SCFD2: variants seen among roughly 807,000 people sequenced by gnomAD.
SCFD2 encodes the protein sec1 family domain containing 2, also known as sec1 family domain-containing protein 2.
Under a neutral mutation model 58.9 loss-of-function variants are expected in SCFD2, and 54 were observed. The ratio of observed to expected loss-of-function variants is 0.92; its 90% CI spans 0.74 to 1.15. The LOEUF (loss-of-function observed/expected upper bound fraction) is 1.15, where lower values mean the gene tolerates loss of function less well. Ranked by LOEUF, SCFD2 falls within the 50% of genes most tolerant of loss-of-function variation. SCFD2 has a pLI of 0.00. For synonymous variants in SCFD2, 321 were observed against 335.9 expected, an observed-to-expected ratio of 0.96 and a Z score of 0.49; for missense variants, 805 against 836.6, an observed-to-expected ratio of 0.96 and a Z score of 0.47.
chr4:53,209,164 G>T (rs925055484), intron 4 of SCFD2, among the ~76,000 whole-genome samples: 68 of 152,218 alleles, frequency 4.5e-4, no homozygotes, highest in African/African-American at 1.6e-3. Context: ...TCAACCCTGT[G>T]CTGACTTCCT....
intron 5 of SCFD2, among the ~76,000 whole-genome samples, chr4:53,005,105 C>T (rs143648878): frequency 4.5e-4 from 69 of 152,192 alleles, no homozygotes; most frequent in Middle Eastern, 3.4e-3. Flanking sequence ...ACTATGTTAG[C>T]CAGGCTGGTC....
intron 5 of SCFD2, among the ~76,000 whole-genome samples, chr4:53,124,037 G>C (rs1725556871): frequency 6.6e-6 from 1 of 152,158 alleles, no homozygotes; most frequent in Non-Finnish European, 1.5e-5. Context: ...CTCTAGTGAT[G>C]AGTCCATAGA....
chr4:52,947,537 T>C (rs547043636), intron 5 of SCFD2, among the ~76,000 whole-genome samples: 2 of 152,252 alleles, frequency 1.3e-5, no homozygotes, highest in African/African-American at 4.8e-5. Context: ...ATTATACATA[T>C]ATAGTAATTA....
At chr4:53,202,698 T>C (rs1728286899) in intron 4 of SCFD2, among the ~76,000 whole-genome samples, 1 of 152,168 alleles carries the variant, frequency 6.6e-6, no homozygotes, top group Non-Finnish European at 1.5e-5. Context: ...CTCTTTTATT[T>C]CATTGAGCAG....
rs953430963 is a variant in SCFD2 at position 52,873,767 on chromosome 4, A to G, written c.*202T>C. The G allele has an allele frequency of 6.6e-6, 3 of 457,964 alleles. No homozygotes were observed. Among genetic ancestry groups the G allele is most frequent in the African/African-American group, 5.9e-5 (3 of 50,506 alleles). The allele number at this position is 457,964 out of a possible 1,614,324, so 28.4% of individuals were successfully genotyped here. A position where few individuals can be genotyped will look rare whatever the true frequency, so the allele number is the denominator to read the frequency against. On this transcript the variant is annotated 3_prime_UTR_variant, in exon 9 of 9. Transcript: ENST00000401642. ...GACTGTCGCCTTCAGGAAAATAAAA[A>G]AACTTTTTTTTTTTTTTTTTAAGAA...
chr4:53,109,616 A>G (rs1363845561), intron 5 of SCFD2, among the ~76,000 whole-genome samples: 1 of 152,206 alleles, frequency 6.6e-6, no homozygotes, highest in Non-Finnish European at 1.5e-5. Flanking sequence ...ACTCCCATTC[A>G]CAATTGCTAC....
intron 4 of SCFD2, among the ~76,000 whole-genome samples, chr4:53,264,663 A>C (rs762474706): frequency 6.6e-6 from 1 of 152,262 alleles, no homozygotes; most frequent in Non-Finnish European, 1.5e-5. Context: ...AAGCCAAGCC[A>C]TATGGCGTGA....
intron 7 of SCFD2, among the ~76,000 whole-genome samples, chr4:52,894,530 T>C (rs778692804): frequency 6.6e-6 from 1 of 152,236 alleles, no homozygotes; most frequent in Non-Finnish European, 1.5e-5. Flanking sequence ...AGGTATGTCT[T>C]GATTTATTTG....
chr4:53,014,651 T>C (rs1244254822), intron 5 of SCFD2, among the ~76,000 whole-genome samples: 4 of 152,226 alleles, frequency 2.6e-5, no homozygotes, highest in Non-Finnish European at 5.9e-5. Flanking sequence ...CACATGATAT[T>C]AGGGCTCCTT....
At chr4:53,081,538 G>A (rs1724147019) in intron 5 of SCFD2, among the ~76,000 whole-genome samples, 1 of 152,084 alleles carries the variant, frequency 6.6e-6, no homozygotes, top group Non-Finnish European at 1.5e-5. Flanking sequence ...ATATTCTTAA[G>A]TACTTTTACC....
At chr4:53,357,291 T>C (rs144633200) in intron 1 of SCFD2, among the ~76,000 whole-genome samples, 7 of 151,900 alleles carry the variant, frequency 4.6e-5, no homozygotes, top group Non-Finnish European at 1.0e-4. Context: ...TAGCCAGGTA[T>C]AGAGGTATGT....
intron 5 of SCFD2, among the ~76,000 whole-genome samples, chr4:53,057,849 G>C (rs1723391863): frequency 6.6e-6 from 1 of 152,084 alleles, no homozygotes; most frequent in Non-Finnish European, 1.5e-5. Flanking sequence ...TGCTGTGTTA[G>C]CAGCCAAAAT....
intron 5 of SCFD2, among the ~76,000 whole-genome samples, chr4:53,126,152 G>A (rs1725621083): frequency 6.6e-6 from 1 of 152,160 alleles, no homozygotes; most frequent in African/African-American, 2.4e-5. Flanking sequence ...TTAAAAGTAA[G>A]CTCCATGGCA....
chr4:52,875,502 C>T (rs1021428964), intron 8 of SCFD2, among the ~76,000 whole-genome samples: 1 of 151,962 alleles, frequency 6.6e-6, no homozygotes, highest in East Asian at 1.9e-4. Context: ...TACATGGCTA[C>T]GCTCCTTTGG....
At chr4:53,007,469 T>C (rs17082264) in intron 5 of SCFD2, among the ~76,000 whole-genome samples, 2,229 of 151,824 alleles carry the variant, frequency 0.015, 62 homozygotes, top group African/African-American at 0.052. Flanking sequence ...TAATTGTTGC[T>C]TTGAAAATTT....
intron 5 of SCFD2, among the ~76,000 whole-genome samples, chr4:53,082,495 T>A (rs1724177510): frequency 6.6e-6 from 1 of 152,176 alleles, no homozygotes; most frequent in African/African-American, 2.4e-5. Context: ...TTATCTTCTA[T>A]GGAAAATGGC....
chr4:53,242,631 G>A (rs1268744264), intron 4 of SCFD2, among the ~76,000 whole-genome samples: 2 of 152,208 alleles, frequency 1.3e-5, no homozygotes, highest in Non-Finnish European at 2.9e-5. Context: ...ACCAAGGTGA[G>A]ATGGCTGAAA....
chr4:53,286,763 T>G (rs1311952055), intron 3 of SCFD2, among the ~76,000 whole-genome samples: 2 of 152,076 alleles, frequency 1.3e-5, no homozygotes, highest in Non-Finnish European at 2.9e-5. Flanking sequence ...GTACCCTGCC[T>G]CTCTGGGAAG....
intron 5 of SCFD2, among the ~76,000 whole-genome samples, chr4:53,141,313 A>G (rs1278203196): frequency 1.3e-5 from 2 of 152,184 alleles, no homozygotes; most frequent in African/African-American, 4.8e-5. Flanking sequence ...AAAAAGGGAA[A>G]TGTATACATA....
Sources: allele counts gnomAD v4.1 joint callset (sites outside exome capture counted in the v4.1 genomes callset), GRCh38; gene constraint gnomAD v4.1.1; transcripts MANE v1.5; gene names NCBI Gene and HGNC (gene_info 2026-07-23, HGNC 2026-07-21).